The following DOCK4 variants were observed in gnomAD, a reference collection of about 807,000 sequenced individuals.
DOCK4 encodes the protein dedicator of cytokinesis protein 4.
A neutral mutation model predicts 268.1 loss-of-function variants in DOCK4; 97 were observed. That is an observed-to-expected ratio of 0.36 (90% confidence interval 0.31 to 0.43). DOCK4 has a LOEUF of 0.43. Among genes scored for constraint, DOCK4 ranks in the 20% least tolerant of loss-of-function variants. DOCK4 has a pLI of 1.00. For synonymous variants in DOCK4, 954 were observed against 887.2 expected, an observed-to-expected ratio of 1.08 and a Z score of -1.34; for missense variants, 2,145 against 2,455.7, an observed-to-expected ratio of 0.87 and a Z score of 2.67.
intron 16 of DOCK4, among the ~76,000 whole-genome samples, chr7:111,891,467 T>C (rs532722451): frequency 1.3e-5 from 2 of 152,148 alleles, no homozygotes; most frequent in Non-Finnish European, 2.9e-5. Context: ...ACTGTACGGG[T>C]ATAACTAAAT....
At chr7:112,065,091 A>G (rs1442673543) in intron 1 of DOCK4, among the ~76,000 whole-genome samples, 2 of 152,216 alleles carry the variant, frequency 1.3e-5, no homozygotes, top group Non-Finnish European at 2.9e-5. Flanking sequence ...TTCACTGGAC[A>G]TGCAATCAGC....
At chr7:112,121,574 A>G (rs1812730590) in intron 1 of DOCK4, among the ~76,000 whole-genome samples, 1 of 152,198 alleles carries the variant, frequency 6.6e-6, no homozygotes, top group Admixed American at 6.5e-5. Flanking sequence ...CTTCCCACCT[A>G]CATTATTTCA....
At chr7:112,049,931 A>G (rs559253484) in intron 1 of DOCK4, among the ~76,000 whole-genome samples, 1 of 152,272 alleles carries the variant, frequency 6.6e-6, no homozygotes, top group South Asian at 2.1e-4. Context: ...TAGCTTCACC[A>G]CTACTGATTT....
At chr7:112,069,010 T>C (rs1465538128) in intron 1 of DOCK4, among the ~76,000 whole-genome samples, 3 of 152,214 alleles carry the variant, frequency 2.0e-5, no homozygotes, top group African/African-American at 7.2e-5. Context: ...TCTTCACTCC[T>C]GTATAAAATG....
chr7:111,954,050 C>T (rs1274066872), intron 8 of DOCK4, among the ~76,000 whole-genome samples: 1 of 152,178 alleles, frequency 6.6e-6, no homozygotes, highest in African/African-American at 2.4e-5. Flanking sequence ...ATTAATATAT[C>T]TCATTTATGT....
intron 1 of DOCK4, among the ~76,000 whole-genome samples, chr7:112,087,944 A>G (rs1209730302): frequency 6.6e-6 from 1 of 152,138 alleles, no homozygotes; most frequent in Non-Finnish European, 1.5e-5. Context: ...GGTGTTAAAA[A>G]ATATGATAGA....
rs1792532928 is a variant in DOCK4, at chr7:111,915,820, G to T, written c.1151C>A (p.Ser384Tyr). Residue 384 changes from serine to tyrosine, a missense_variant, in exon 13 of 53, where the codon TCC becomes TAC. By Grantham distance (144) the Ser-to-Tyr change is moderately radical. This residue lies in a region of DOCK4 where 1,598 missense variants were observed against 1,986.7 expected (regional missense o/e 0.80). Transcript: ENST00000428084. ...EYSSVFSHGV[S>Y]ITRKLGFSNI... ...TGAAAATCCCAGCTTCCTTGTTATG[G>T]ATACTCCATGAGAAAATACTGATGA... is the stretch of plus-strand genomic sequence containing the variant. 4 of 1,612,634 alleles carry T rather than the reference G, an allele frequency of 2.5e-6. No individual in the cohort carries two copies. Among genetic ancestry groups the T allele is most frequent in the Admixed American group, 1.7e-5 (1 of 59,874 alleles).
At chr7:111,742,531 G>A (rs149548140) in intron 44 of DOCK4, among the ~76,000 whole-genome samples, 4 of 137,210 alleles carry the variant, frequency 2.9e-5, no homozygotes, top group African/African-American at 5.6e-5. Flanking sequence ...CTCCCTTAAA[G>A]ATCTCTTCTT....
chr7:112,160,226 G>GA (rs1396436712), intron 1 of DOCK4, among the ~76,000 whole-genome samples: 1 of 152,150 alleles, frequency 6.6e-6, no homozygotes, highest in Non-Finnish European at 1.5e-5. Context: ...TGTAAACAGA[G>GA]GCTCCTGCTT....
chr7:111,915,270 A>G (rs1586357583), intron 13 of DOCK4, among the ~76,000 whole-genome samples: 1 of 152,342 alleles, frequency 6.6e-6, no homozygotes, highest in Admixed American at 6.5e-5. Context: ...GCACTAATAT[A>G]GATCTAAATC....
intron 1 of DOCK4, among the ~76,000 whole-genome samples, chr7:112,203,900 A>T (rs914759869): frequency 1.3e-5 from 2 of 151,936 alleles, no homozygotes; most frequent in Non-Finnish European, 2.9e-5. Flanking sequence ...ACAGCTAAGC[A>T]TTCCACAATC....
chr7:111,819,980 G>T (rs1368166173), intron 27 of DOCK4: 3 of 152,206 alleles, frequency 2.0e-5, no homozygotes, highest in Non-Finnish European at 4.4e-5. Context: ...TTTCTTCCTA[G>T]TGTATGCTCT....
At chr7:112,148,348 A>AC (rs1012975352) in intron 1 of DOCK4, among the ~76,000 whole-genome samples, 10 of 152,016 alleles carry the variant, frequency 6.6e-5, no homozygotes, top group Non-Finnish European at 1.5e-4. Context: ...CATAGAACCA[A>AC]CCCCCTTTGG....
chr7:111,949,255 C>T (rs960112647), intron 8 of DOCK4, among the ~76,000 whole-genome samples: 11 of 152,020 alleles, frequency 7.2e-5, no homozygotes, highest in Non-Finnish European at 1.5e-5. Flanking sequence ...AGATGGACAC[C>T]AATAAGATTA....
chr7:112,191,080 T>A (rs547406957), intron 1 of DOCK4, among the ~76,000 whole-genome samples: 8 of 152,284 alleles, frequency 5.3e-5, no homozygotes, highest in Admixed American at 4.6e-4. Context: ...TTTCTTGTTT[T>A]GTTTAGTTTA....
At chr7:112,169,339 A>C (rs1330032567) in intron 1 of DOCK4, among the ~76,000 whole-genome samples, 1 of 152,222 alleles carries the variant, frequency 6.6e-6, no homozygotes, top group Non-Finnish European at 1.5e-5. Flanking sequence ...GAATGGACTA[A>C]TATGCCATTG....
chr7:111,738,046 GA>G, intron 49 of DOCK4, among the ~76,000 whole-genome samples: 1 of 152,188 alleles, frequency 6.6e-6, no homozygotes, highest in Non-Finnish European at 1.5e-5. Context: ...GGATGGTGTA[GA>G]AAAACAGAAA....
intron 1 of DOCK4, among the ~76,000 whole-genome samples, chr7:112,164,364 A>C (rs1401066738): frequency 1.3e-5 from 2 of 152,206 alleles, no homozygotes; most frequent in African/African-American, 2.4e-5. Context: ...TAGCAAGCTT[A>C]GTGTTCTTTA....
In DOCK4 at chr7:111,779,082, A is replaced by AT. The variant is rs797000685; in HGVS notation, c.3586-714_3586-713insA. On this transcript the variant is annotated intron_variant, in intron 35 of 52. Coordinates refer to ENST00000428084, the MANE Select transcript of DOCK4 (RefSeq NM_001363540.2). ...AAATAAAAATAAAAATCTCTAAAAA[A>AT]AAAAAATAAAAAGCAAAAATCTCTA... 1.1e-3 allele frequency among the ~76,000 whole-genome samples: 160 copies of AT among 151,996 alleles called. 1 individual carries two copies. The highest frequency in any genetic ancestry group is 3.6e-3 in the African/African-American group (148 of 41,478).
Sources: gnomAD v4.1 joint callset for allele counts (sites outside exome capture counted in the v4.1 genomes callset) on GRCh38, gnomAD v4.1.1 for gene constraint, gnomAD v4.1.1 regional missense constraint, MANE v1.5 for transcripts, NCBI Gene and HGNC (gene_info 2026-07-23, HGNC 2026-07-21) for gene names.